SPEN: variants seen among roughly 807,000 people sequenced by gnomAD.
SPEN encodes the protein msx2-interacting protein.
Under a neutral mutation model 269.9 loss-of-function variants are expected in SPEN, and 18 were observed. That is an observed-to-expected ratio of 0.07 (90% CI 0.05 to 0.10). The LOEUF is 0.10. SPEN is among the 10% of genes least tolerant of loss of function. The pLI is 1.00. For missense variants in SPEN, 3,822 were observed against 4,631.2 expected (o/e 0.83, Z 5.07); for synonymous variants, 1,726 against 1,765.7 (o/e 0.98, Z 0.56).
rs74054882 is a variant in SPEN, at chr1:15,928,076, G to A, written c.1851-15G>A. 0.015 allele frequency: 23,893 copies of A among 1,572,904 alleles called. 2,211 individuals carry two copies. The African/African-American group carries it at 0.24, about 16-fold the overall frequency. ...AGGAAACAAAAGAACTAATATCTTT[G>A]TTATTTTTTGGCAGAGAGGAACGAA... On this transcript the variant is annotated splice_polypyrimidine_tract_variant and intron_variant, in intron 10 of 14. Coordinates refer to ENST00000375759, the MANE Select transcript of SPEN (RefSeq NM_015001.3). The surrounding 1 kb of genome is among the most constrained non-coding windows in gnomAD (Gnocchi z 5.7).
In SPEN at chr1:15,876,633, C is replaced by G. The variant is rs763187352; in HGVS notation, c.836C>G (p.Ser279Cys). ...GGCAGCGGCTCTAGAAGTAGATCCT[C>G]CAGTAGTGATTCAATCAGCAGCAGC... Reference protein sequence around the residue: ...PSGSGSRSRSSSSDSISSSSS... With the variant: ...PSGSGSRSRSCSSDSISSSSS... Residue 279 changes from serine to cysteine, a missense_variant, in exon 3 of 15, where the codon TCC (serine) becomes TGC (cysteine). Around this residue, in one of 16 missense-constraint regions of SPEN, gnomAD observed 327 missense variants for 350.8 expected, o/e 0.93. Coordinates refer to ENST00000375759, the MANE Select transcript of SPEN (RefSeq NM_015001.3). The G allele has an allele frequency of 9.3e-6, 15 of 1,613,720 alleles. No individual in the cohort carries two copies. The East Asian group carries it at 3.1e-4, about 34-fold the overall frequency.
intron 1 of SPEN, among the ~76,000 whole-genome samples, chr1:15,867,879 G>C (rs1010629853): frequency 6.6e-6 from 1 of 152,044 alleles, no homozygotes; most frequent in Non-Finnish European, 1.5e-5. Context: ...TGCCACCCAG[G>C]CTGGTGTGCA....
Position 15,931,262 on chromosome 1 carries a change from G to A in SPEN, c.5022G>A (p.Val1674=). 1.9e-6 allele frequency: 3 copies of A among 1,614,190 alleles called. No individual in the cohort carries two copies. Among genetic ancestry groups the A allele is most frequent in the South Asian group, 1.1e-5 (1 of 91,084 alleles). The part of the protein sequence containing the change: ...EAPLVTEEKT[V]EPATVSEEAK... ...CTTTGGTAACAGAAGAGAAGACTGT[G>A]GAGCCAGCTACCGTCTCAGAAGAAG... The change falls in exon 11 of 15, where the codon GTG becomes GTA. Residue 1674 remains valine, a synonymous_variant. Transcript: ENST00000375759. The surrounding 1 kb of genome is among the most constrained non-coding windows in gnomAD (Gnocchi z 4.8).
Position 15,877,790 on chromosome 1 carries a change from G to A in SPEN, c.881+1112G>A, listed in dbSNP as rs191860919. Reference sequence around the variant, plus strand: ...ATGGAGTCTCGCTCTTGTCACCTAGGCTGGAGTGCAATGGCGTGATCTTGG... The same window carrying A: ...ATGGAGTCTCGCTCTTGTCACCTAGACTGGAGTGCAATGGCGTGATCTTGG... On this transcript the variant is annotated intron_variant, in intron 3 of 14. Transcript: ENST00000375759. 1.9e-3 allele frequency among the ~76,000 whole-genome samples: 267 copies of A among 141,398 alleles called. 1 individual carries two copies. Among genetic ancestry groups the A allele is most frequent in the Admixed American group, 6.5e-3 (88 of 13,530 alleles). 92.8% of individuals were successfully genotyped at this position (141,398 alleles called of 152,430 possible). A position where few individuals can be genotyped will look rare whatever the true frequency, so the allele number is the denominator to read the frequency against.
intron 2 of SPEN, chr1:15,874,238 T>A: frequency 7.3e-7 from 1 of 1,366,614 alleles, no homozygotes; most frequent in South Asian, 1.1e-5. Context: ...ACTAAGATTT[T>A]TTTTTTCTTG....
At position 15,934,417 on chromosome 1, in the gene SPEN, A is replaced by G. The variant is rs779551860; in HGVS notation, c.8177A>G (p.Asn2726Ser). 1.7e-5 allele frequency: 28 copies of G among 1,613,738 alleles called. No homozygotes were observed. Among genetic ancestry groups the G allele is most frequent in the East Asian group, 1.3e-4 (6 of 44,894 alleles). Residue 2726 changes from asparagine (N) to serine (S), a missense_variant, in exon 11 of 15, where the codon AAT becomes AGT. By Grantham distance (46) the Asn-to-Ser change is conservative. Around this residue, in one of 16 missense-constraint regions of SPEN, gnomAD observed 329 missense variants for 431.2 expected, o/e 0.76. Coordinates refer to ENST00000375759, the MANE Select transcript of SPEN (RefSeq NM_015001.3). The surrounding 1 kb of genome is among the most constrained non-coding windows in gnomAD (Gnocchi z 9.2). ...GTGAATGCCGCCCCAGGCACAGTCA[A>G]TGCCGCTGCGAGTGCAGTGAATGCC... Reference protein sequence around the residue: ...GTVNAAPGTVNAAASAVNATA... With the variant: ...GTVNAAPGTVSAAASAVNATA...
chr1:15,897,442 A>C (rs1417838414), intron 3 of SPEN, among the ~76,000 whole-genome samples: 2 of 150,666 alleles, frequency 1.3e-5, no homozygotes, highest in African/African-American at 4.9e-5. Context: ...GGCTAACCGC[A>C]ACCTCCGCCT....
rs114276836 is a variant in SPEN, at chr1:15,873,920, G to C, written c.404+784G>C. 4 of 1,144,802 alleles carry C rather than the reference G, an allele frequency of 3.5e-6. No individual in the cohort carries two copies. The Admixed American group carries it at 1.6e-4, about 46-fold the overall frequency. The allele number at this position is 1,144,802 out of a possible 1,614,324, so 70.9% of individuals were successfully genotyped here. A position where few individuals can be genotyped will look rare whatever the true frequency, so the allele number is the denominator to read the frequency against. ...TATATCATTTCTTAAGCAAGTTGCT[G>C]TCCAATCAAAGGTACTTTAGCTTTG... is the stretch of plus-strand genomic sequence containing the variant. On this transcript the variant is annotated intron_variant, in intron 2 of 14. Coordinates refer to ENST00000375759, the MANE Select transcript of SPEN (RefSeq NM_015001.3).
At chr1:15,868,254 C>T (rs1043534181) in intron 1 of SPEN, among the ~76,000 whole-genome samples, 1 of 151,566 alleles carries the variant, frequency 6.6e-6, no homozygotes, top group Non-Finnish European at 1.5e-5. Context: ...GTGATCCTCC[C>T]ACCTGGCCTC....
At chr1:15,908,565 G>A (rs867419704) in intron 3 of SPEN, among the ~76,000 whole-genome samples, 6 of 152,124 alleles carry the variant, frequency 3.9e-5, no homozygotes, top group Admixed American at 2.0e-4. Flanking sequence ...TGGGACTGCA[G>A]GCGCACGCCA....
chr1:15,864,106 T>C (rs533800691), intron 1 of SPEN, among the ~76,000 whole-genome samples: 3 of 151,986 alleles, frequency 2.0e-5, no homozygotes, highest in East Asian at 3.9e-4. Context: ...ATGATATACA[T>C]ATATGAGGTA....
chr1:15,900,401 G>A (rs2070888426), intron 3 of SPEN, among the ~76,000 whole-genome samples: 4 of 152,060 alleles, frequency 2.6e-5, no homozygotes, highest in Admixed American at 2.6e-4. Flanking sequence ...TAGAGTATGA[G>A]TAAGCAATAT....
In SPEN at chr1:15,932,418, G is replaced by C. The variant is rs934200458; in HGVS notation, c.6178G>C (p.Val2060Leu). The change falls in exon 11 of 15, where the codon GTT becomes CTT. Residue 2060 changes from valine (V) to leucine (L), a missense_variant. Physicochemically the swap from Val to Leu is conservative, Grantham distance 32. Coordinates refer to ENST00000375759, the MANE Select transcript of SPEN (RefSeq NM_015001.3). This position sits in a 1 kb window ranked among gnomAD's most constrained non-coding sequence, Gnocchi z 4.2. The stretch of plus-strand genomic sequence containing the variant: ...CAAAAACCCCCCTGAAACCGCCCCT[G>C]TTGAAGTTGTAGAGAAAAAACCGGC... ...TDKNPPETAPVEVVEKKPAPE... is the reference protein window; with the variant it reads ...TDKNPPETAPLEVVEKKPAPE... 2 of 1,613,942 alleles carry C rather than the reference G, an allele frequency of 1.2e-6. No homozygotes were observed. The highest frequency in any genetic ancestry group is 1.3e-5 in the African/African-American group (1 of 74,878).
At chr1:15,899,541 T>TTG (rs2070879262) in intron 3 of SPEN, among the ~76,000 whole-genome samples, 1 of 146,532 alleles carries the variant, frequency 6.8e-6, no homozygotes, top group Admixed American at 6.8e-5. Context: ...GGCAGAGTTT[T>TTG]TTTTTTTTTT....
intron 3 of SPEN, among the ~76,000 whole-genome samples, chr1:15,880,119 A>C (rs1289638137): frequency 6.6e-6 from 1 of 152,144 alleles, no homozygotes; most frequent in African/African-American, 2.4e-5. Flanking sequence ...ATACCTGACA[A>C]GGAAGTAAGG....
rs1043748514 is a variant in SPEN at position 15,939,497 on chromosome 1, C to G, written c.*70C>G. ...CAGTAAAAACAAAGGACAACCCAGC[C>G]AAGCAGAGGAAGAAGCTGCCGAAGG... On this transcript the variant is annotated 3_prime_UTR_variant, in exon 15 of 15. Coordinates refer to ENST00000375759, the MANE Select transcript of SPEN (RefSeq NM_015001.3). The surrounding 1 kb of genome is among the most constrained non-coding windows in gnomAD (Gnocchi z 4.1). 6.9e-7 allele frequency: 1 copy of G among 1,457,272 alleles called. No homozygotes were observed. Among genetic ancestry groups the G allele is most frequent in the African/African-American group, 1.5e-5 (1 of 68,862 alleles). The allele number at this position is 1,457,272 out of a possible 1,614,324, so 90.3% of individuals were successfully genotyped here.
At position 15,932,398 on chromosome 1, in the gene SPEN, A is replaced by G; in HGVS notation, c.6158A>G (p.Asn2053Ser). 6.2e-7 allele frequency: 1 copy of G among 1,612,858 alleles called. No individual in the cohort carries two copies. Residue 2053 changes from asparagine to serine, a missense_variant, in exon 11 of 15, where the codon AAC becomes AGC. By Grantham distance (46) the Asn-to-Ser change is conservative. Around this residue, in one of 16 missense-constraint regions of SPEN, gnomAD observed 727 missense variants for 737.9 expected, o/e 0.99. Coordinates refer to ENST00000375759, the MANE Select transcript of SPEN (RefSeq NM_015001.3). This position sits in a 1 kb window ranked among gnomAD's most constrained non-coding sequence, Gnocchi z 4.2. Reference protein sequence around the residue: ...RDRKDAGTDKNPPETAPVEVV... With the variant: ...RDRKDAGTDKSPPETAPVEVV... ...AGAAAAGATGCTGGCACAGACAAAA[A>G]CCCCCCTGAAACCGCCCCTGTTGAA...
intron 1 of SPEN, among the ~76,000 whole-genome samples, chr1:15,869,799 T>A (rs2148709357): frequency 6.6e-6 from 1 of 152,166 alleles, no homozygotes; most frequent in Non-Finnish European, 1.5e-5. Context: ...AATATATTCA[T>A]CTCTCATGAC....
chr1:15,854,099 C>T (rs1397791372), intron 1 of SPEN, among the ~76,000 whole-genome samples: 1 of 152,150 alleles, frequency 6.6e-6, no homozygotes, highest in African/African-American at 2.4e-5. Context: ...CCATGCCCGG[C>T]CTGCTTGCTT....
Sources: allele counts gnomAD v4.1 joint callset (sites outside exome capture counted in the v4.1 genomes callset), GRCh38; gene constraint gnomAD v4.1.1; regional missense constraint gnomAD v4.1.1; non-coding constraint Gnocchi (gnomAD v3.1); transcripts MANE v1.5; gene names NCBI Gene and HGNC (gene_info 2026-07-23, HGNC 2026-07-21).